MAPK8IP3: variants seen among roughly 807,000 people sequenced by gnomAD.
MAPK8IP3 encodes C-Jun-amino-terminal kinase-interacting protein 3.
In MAPK8IP3, 49 loss-of-function variants were observed where a neutral mutation model predicts 157.8. The observed-to-expected ratio is 0.31, with a 90% confidence interval of 0.25 to 0.39. The LOEUF (loss-of-function observed/expected upper bound fraction) is 0.39. Ranked by LOEUF, MAPK8IP3 falls within the 10% of genes least tolerant of loss-of-function variation. The pLI is 1.00. For synonymous variants in MAPK8IP3, 897 were observed against 777.7 expected, an observed-to-expected ratio of 1.15 and a Z score of -2.55; for missense variants, 1,478 against 1,889.4, an observed-to-expected ratio of 0.78 and a Z score of 4.04.
intron 8 of MAPK8IP3, among the ~76,000 whole-genome samples, chr16:1,754,991 T>C (rs867960692): frequency 2.6e-5 from 4 of 152,150 alleles, no homozygotes; most frequent in African/African-American, 9.7e-5. Flanking sequence ...CACATGCTTG[T>C]TGGAGATTTT....
In MAPK8IP3 at chr16:1,706,678, G is replaced by GCCCGCATCCCCGTCCCGGACCCC; in HGVS notation, c.318+23_318+45dup. ...AGGAGGTGCGTGGGCCGCGGGACCC[G>GCCCGCATCCCCGTCCCGGACCCC]CCCGCATCCCCGTCCCGGACCCCCA... On this transcript the variant is annotated intron_variant, in intron 1 of 31. Transcript: ENST00000610761. The surrounding 1 kb of genome is among the most constrained non-coding windows in gnomAD (Gnocchi z 5.1). 6.6e-7 allele frequency: 1 copy of GCCCGCATCCCCGTCCCGGACCCC among 1,517,870 alleles called. No individual in the cohort carries two copies. Among genetic ancestry groups the GCCCGCATCCCCGTCCCGGACCCC allele is most frequent in the Non-Finnish European group, 8.8e-7 (1 of 1,133,306 alleles). The allele number at this position is 1,517,870 out of a possible 1,614,324, so 94.0% of individuals were successfully genotyped here. A position where few individuals can be genotyped will look rare whatever the true frequency, so the allele number is the denominator to read the frequency against.
chr16:1,766,397 C>T lies in MAPK8IP3; in HGVS notation c.2807C>T (p.Pro936Leu), dbSNP rs2042262771. ...CCAGCCCCGACCCCGTCCTCTGGCC[C>T]CCAGCCTGGCAGGTGAGCTCTTGGG... ...TDPAPTPSSG[P>L]QPGSENGPEP... is the part of the protein sequence containing the mutation. The change falls in exon 22 of 32, where the codon CCC (proline) becomes CTC (leucine). Residue 936 changes from proline to leucine, a missense_variant. Pro to Leu is a moderately conservative substitution (Grantham distance 98). Transcript: ENST00000610761. 2 of 1,610,188 alleles carry T rather than the reference C, an allele frequency of 1.2e-6. No homozygotes were observed. Among genetic ancestry groups the T allele is most frequent in the South Asian group, 2.2e-5 (2 of 91,020 alleles).
At chr16:1,768,662 G>T in intron 31 of MAPK8IP3, 36 bp downstream of exon 31, 3 of 1,610,892 alleles carry the variant, frequency 1.9e-6, no homozygotes, top group Non-Finnish European at 2.5e-6. Context: ...GAGGTTGGGC[G>T]CGGGGGGAGC....
At chr16:1,765,379 G>A (rs1360788180) in intron 20 of MAPK8IP3, among the ~76,000 whole-genome samples, 1 of 152,212 alleles carries the variant, frequency 6.6e-6, no homozygotes, top group African/African-American at 2.4e-5. Context: ...GGCAGCCTCG[G>A]CCTCTTCTCC....
At chr16:1,759,818 G>A (rs188472736) in intron 10 of MAPK8IP3, 140 bp from the exon 11 acceptor site, 63 of 723,482 alleles carry the variant, frequency 8.7e-5, no homozygotes, top group African/African-American at 6.1e-4. Context: ...CGCCCTTCAC[G>A]GCCCCCGCTC....
intron 2 of MAPK8IP3, among the ~76,000 whole-genome samples, chr16:1,725,541 C>G (rs918247025): frequency 6.6e-6 from 1 of 151,266 alleles, no homozygotes. Flanking sequence ...GCAGGAAGAT[C>G]GCTTGAACCC....
At chr16:1,767,340 C>T in intron 26 of MAPK8IP3, 43 bp downstream of exon 26, 1 of 1,609,252 alleles carries the variant, frequency 6.2e-7, no homozygotes, top group South Asian at 1.1e-5. Flanking sequence ...GAGGCTCCTG[C>T]TGGCCAGCAG....
At chr16:1,757,722 G>T (rs9788829) in intron 8 of MAPK8IP3, among the ~76,000 whole-genome samples, 33,869 of 152,164 alleles carry the variant, frequency 0.22, 4,326 homozygotes, top group African/African-American at 0.35. Context: ...CCAGGCCTGC[G>T]TCTGCGGTGT....
chr16:1,737,613 CGT>C (rs1187776747), intron 4 of MAPK8IP3, among the ~76,000 whole-genome samples: 4 of 57,956 alleles, frequency 6.9e-5, no homozygotes, highest in South Asian at 1.3e-3. Flanking sequence ...TGTGACCGTC[CGT>C]GTGTGTGACC....
At chr16:1,762,289 A>C in intron 13 of MAPK8IP3, 62 bp from the exon 14 acceptor site, 1 of 1,507,276 alleles carries the variant, frequency 6.6e-7, no homozygotes, top group Admixed American at 2.1e-5. Context: ...GCACCCCAGG[A>C]GGAAGCAGGT....
chr16:1,726,241 A>G (rs1487702259), intron 2 of MAPK8IP3, among the ~76,000 whole-genome samples: 2 of 152,232 alleles, frequency 1.3e-5, no homozygotes, highest in Non-Finnish European at 2.9e-5. Flanking sequence ...AATGCAAAGC[A>G]AACCTAAGAC....
chr16:1,727,795 C>T (rs368248397), intron 2 of MAPK8IP3, among the ~76,000 whole-genome samples: 3 of 152,184 alleles, frequency 2.0e-5, no homozygotes, highest in African/African-American at 7.2e-5. Flanking sequence ...GAGAGCCCAG[C>T]GTAGGCCGCC....
At chr16:1,715,850 T>C (rs928438258) in intron 1 of MAPK8IP3, among the ~76,000 whole-genome samples, 16 of 152,008 alleles carry the variant, frequency 1.1e-4, no homozygotes, top group African/African-American at 3.9e-4. Flanking sequence ...CTCAGCCTCC[T>C]GAGTACCTGG....
At chr16:1,762,565 C>A in intron 14 of MAPK8IP3, 84 bp downstream of exon 14, 1 of 1,579,520 alleles carries the variant, frequency 6.3e-7, no homozygotes, top group South Asian at 1.2e-5. Context: ...ACCTCCCTGT[C>A]TTCTGGGGGG....
chr16:1,735,176 G>A (rs143003777), intron 4 of MAPK8IP3: 4 of 152,452 alleles, frequency 2.6e-5, no homozygotes, highest in Admixed American at 1.3e-4. Flanking sequence ...GTCTCATCGG[G>A]GTACGGCCGC....
At chr16:1,709,146 G>A (rs949325346) in intron 1 of MAPK8IP3, among the ~76,000 whole-genome samples, 5 of 152,190 alleles carry the variant, frequency 3.3e-5, no homozygotes, top group African/African-American at 1.2e-4. Flanking sequence ...AATCCGCAGG[G>A]TTTTATAAAA....
Position 1,766,158 on chromosome 16 carries a change from G to C in MAPK8IP3, c.2629+16G>C. Reference sequence around the variant, plus strand: ...AAGGGGCAGGGTGAGTCCTGGGCGAGTTTCCCCCATCCCCTCATTCCCACG... The same window carrying C: ...AAGGGGCAGGGTGAGTCCTGGGCGACTTTCCCCCATCCCCTCATTCCCACG... On this transcript the variant is annotated intron_variant, in intron 21 of 31. Transcript: ENST00000610761. The C allele has an allele frequency of 1.2e-6, 2 of 1,603,600 alleles. No individual in the cohort carries two copies. Among genetic ancestry groups the C allele is most frequent in the Non-Finnish European group, 1.7e-6 (2 of 1,173,378 alleles).
At chr16:1,764,052 G>T (rs2042111987) in intron 17 of MAPK8IP3, 63 bp from the exon 18 acceptor site, 1 of 1,476,128 alleles carries the variant, frequency 6.8e-7, no homozygotes, top group African/African-American at 1.4e-5. Flanking sequence ...ACCTGTCTCA[G>T]ATTTCTGGAG....
chr16:1,758,873 C>G (rs1315768672), intron 9 of MAPK8IP3, 105 bp from the exon 10 acceptor site: 2 of 1,276,442 alleles, frequency 1.6e-6, no homozygotes, highest in African/African-American at 2.9e-5. Context: ...TGAATTCCTC[C>G]CAGCCTGCTG....
Sources: allele counts gnomAD v4.1 joint callset (sites outside exome capture counted in the v4.1 genomes callset), GRCh38; gene constraint gnomAD v4.1.1; non-coding constraint Gnocchi (gnomAD v3.1); transcripts MANE v1.5; gene names NCBI Gene and HGNC (gene_info 2026-07-23, HGNC 2026-07-21).